ITPR2: variants seen among roughly 807,000 people sequenced by gnomAD.
The protein encoded by ITPR2 is inositol 1,4,5-trisphosphate receptor type 2, also known as inositol 1,4,5-trisphosphate-gated calcium channel ITPR2.
In ITPR2, 207 loss-of-function variants were observed where a neutral mutation model predicts 317.1. The ratio of observed to expected loss-of-function variants is 0.65; its 90% CI spans 0.58 to 0.73. The LOEUF (loss-of-function observed/expected upper bound fraction) is 0.73. Ranked by LOEUF, ITPR2 falls within the 30% of genes least tolerant of loss-of-function variation. The pLI is 0.00. For synonymous variants in ITPR2, 1,156 were observed against 1,149.1 expected (o/e 1.01, Z -0.12); for missense variants, 2,613 against 3,284.0 (o/e 0.80, Z 4.99).
At position 26,831,325 on chromosome 12, in the gene ITPR2, G is replaced by C. The variant is rs899235975; in HGVS notation, c.92+1365C>G. Among the ~76,000 whole-genome samples the C allele has an allele frequency of 2.6e-5, 4 of 152,192 alleles. No individual in the cohort carries two copies. Among genetic ancestry groups the C allele is most frequent in the South Asian group, 4.1e-4 (2 of 4,828 alleles). ...CCTTCTTTCACTCATTAGGGGGAAT[G>C]CACAAGTAACAGGAACTGTGGAAGT... On this transcript the variant is annotated intron_variant, in intron 1 of 56. Coordinates refer to ENST00000381340, the MANE Select transcript of ITPR2 (RefSeq NM_002223.4). The surrounding 1 kb of genome is among the most constrained non-coding windows in gnomAD (Gnocchi z 4.9).
At chr12:26,670,544 A>G (rs968398826) in intron 13 of ITPR2, among the ~76,000 whole-genome samples, 2 of 152,240 alleles carry the variant, frequency 1.3e-5, no homozygotes, top group Non-Finnish European at 2.9e-5. Context: ...CCAAAAACCC[A>G]TCTGTACATC....
At chr12:26,463,543 C>T (rs541096808) in intron 45 of ITPR2, among the ~76,000 whole-genome samples, 189 of 151,962 alleles carry the variant, frequency 1.2e-3, no homozygotes, top group African/African-American at 4.2e-3. Context: ...CATGCACCTG[C>T]AATCCCAGCT....
rs537184552 is a variant in ITPR2 at position 26,423,688 on chromosome 12, T to C, written c.6945+4225A>G. Among the ~76,000 whole-genome samples the C allele has an allele frequency of 2.6e-5, 4 of 152,322 alleles. No individual in the cohort carries two copies. In the East Asian group the frequency reaches 7.7e-4, roughly 29 times the overall value. On this transcript the variant is annotated intron_variant, in intron 49 of 56. Transcript: ENST00000381340. ...AAAGAATATTAAGTGACCCCAAATT[T>C]ATAAAATATGTGCTTATATTTGTCA...
intron 45 of ITPR2, among the ~76,000 whole-genome samples, chr12:26,449,686 G>A (rs767371486): frequency 1.6e-4 from 25 of 152,112 alleles, no homozygotes; most frequent in Non-Finnish European, 3.5e-4. Flanking sequence ...AGGAAGAAAG[G>A]ATGGCATGAG....
Position 26,612,921 on chromosome 12 carries a change from G to C in ITPR2, c.3462+8202C>G, listed in dbSNP as rs556262521. Among the ~76,000 whole-genome samples the C allele has an allele frequency of 1.8e-3, 271 of 152,288 alleles. 1 individual carries two copies. Among genetic ancestry groups the C allele is most frequent in the Non-Finnish European group, 2.9e-3 (197 of 68,030 alleles). On this transcript the variant is annotated intron_variant, in intron 26 of 56. Coordinates refer to ENST00000381340, the MANE Select transcript of ITPR2 (RefSeq NM_002223.4). Reference sequence around the variant, plus strand: ...AACTCCTCCCAGTCCTTCAGAATAGGCCTATGCGCAGAATCTGGAGTGAGG... The same window carrying C: ...AACTCCTCCCAGTCCTTCAGAATAGCCCTATGCGCAGAATCTGGAGTGAGG...
At chr12:26,392,006 A>G (rs1312583128) in intron 54 of ITPR2, among the ~76,000 whole-genome samples, 2 of 152,140 alleles carry the variant, frequency 1.3e-5, no homozygotes, top group Admixed American at 6.6e-5. Context: ...GGGGAAATGT[A>G]AAAGAGGGAA....
Position 26,602,407 on chromosome 12 carries a change from G to T in ITPR2, c.3641C>A (p.Ser1214Ter), listed in dbSNP as rs748364132. 8 of 1,613,748 alleles carry T rather than the reference G, an allele frequency of 5.0e-6. No homozygotes were observed. Among genetic ancestry groups the T allele is most frequent in the Non-Finnish European group, 6.8e-6 (8 of 1,179,764 alleles). ...QRLLKNMGAH[S>*]VVLDLLQIPY... is the part of the protein sequence containing the mutation. ...TATCTGCAGAAGATCCAACACCACCGAATGCGCCCCCATATTTTTCAGTAA... is the reference window on the plus strand; with the variant it reads ...TATCTGCAGAAGATCCAACACCACCTAATGCGCCCCCATATTTTTCAGTAA... The change falls in exon 28 of 57, where the codon TCG becomes TAG. Residue 1214 changes from serine to a stop codon, truncating the protein, a stop_gained. Transcript: ENST00000381340. LOFTEE classifies it high-confidence loss of function.
chr12:26,669,097 G>A (rs1171170279), intron 13 of ITPR2, among the ~76,000 whole-genome samples: 1 of 151,762 alleles, frequency 6.6e-6, no homozygotes, highest in Non-Finnish European at 1.5e-5. Context: ...TTCCAGCTTG[G>A]GTGACAGGGC....
intron 45 of ITPR2, among the ~76,000 whole-genome samples, chr12:26,464,578 T>C (rs1234401224): frequency 2.0e-5 from 3 of 152,226 alleles, no homozygotes; most frequent in Non-Finnish European, 4.4e-5. Flanking sequence ...TCTACAGCAC[T>C]TGTTGACTAT....
intron 2 of ITPR2, among the ~76,000 whole-genome samples, chr12:26,750,708 G>A (rs969098833): frequency 2.5e-4 from 38 of 152,138 alleles, no homozygotes; most frequent in African/African-American, 9.2e-4. Flanking sequence ...AAGGAAACCA[G>A]AAGAAACACA....
intron 52 of ITPR2, among the ~76,000 whole-genome samples, chr12:26,407,047 T>A (rs1290918409): frequency 6.6e-6 from 1 of 152,304 alleles, no homozygotes; most frequent in Middle Eastern, 3.4e-3. Flanking sequence ...CCAGATGGAA[T>A]CCTCGCTTTC....
intron 55 of ITPR2, among the ~76,000 whole-genome samples, chr12:26,353,569 T>C (rs1938545269): frequency 6.6e-6 from 1 of 152,224 alleles, no homozygotes. Context: ...TTCAGGATTT[T>C]CCAGTTATGC....
chr12:26,660,657 G>A (rs1947476150), intron 15 of ITPR2, among the ~76,000 whole-genome samples: 1 of 152,130 alleles, frequency 6.6e-6, no homozygotes, highest in African/African-American at 2.4e-5. Flanking sequence ...GTGTATTGGG[G>A]AGCCAGTTAA....
intron 34 of ITPR2, among the ~76,000 whole-genome samples, chr12:26,578,352 C>A (rs1426836661): frequency 2.0e-5 from 3 of 152,062 alleles, no homozygotes; most frequent in Non-Finnish European, 4.4e-5. Context: ...AACTACAAGA[C>A]CCTCAAAAAG....
chr12:26,726,107 T>C, intron 2 of ITPR2: 2 of 187,290 alleles, frequency 1.1e-5, no homozygotes, highest in South Asian at 2.2e-4. Context: ...ATGAGATTAG[T>C]GACTTTCACT....
intron 33 of ITPR2, 23 bp from the exon 34 acceptor site, chr12:26,578,856 C>T: frequency 1.3e-6 from 2 of 1,585,010 alleles, no homozygotes; most frequent in Non-Finnish European, 8.6e-7. Context: ...AGAAGGTAGG[C>T]AAAAAGAGAT....
At chr12:26,540,649 A>G (rs954385674) in intron 37 of ITPR2, among the ~76,000 whole-genome samples, 1 of 152,180 alleles carries the variant, frequency 6.6e-6, no homozygotes, top group Non-Finnish European at 1.5e-5. Flanking sequence ...CCTTGAAGCA[A>G]TGAGTGCTAT....
intron 13 of ITPR2, among the ~76,000 whole-genome samples, chr12:26,668,158 T>C (rs986915966): frequency 2.0e-5 from 3 of 152,194 alleles, no homozygotes; most frequent in Admixed American, 6.5e-5. Context: ...TTAAGCTTTA[T>C]GGAAAATGAA....
chr12:26,814,510 T>C (rs558713148), intron 1 of ITPR2, among the ~76,000 whole-genome samples: 2 of 152,198 alleles, frequency 1.3e-5, no homozygotes, highest in Non-Finnish European at 2.9e-5. Context: ...TGTGGCACTT[T>C]GCAAGCTCTT....
Sources: allele counts gnomAD v4.1 joint callset (sites outside exome capture counted in the v4.1 genomes callset), GRCh38; gene constraint gnomAD v4.1.1; non-coding constraint Gnocchi (gnomAD v3.1); transcripts MANE v1.5; gene names NCBI Gene and HGNC (gene_info 2026-07-23, HGNC 2026-07-21).